Variants in AMZ1 observed in about 807,000 individuals in gnomAD.
AMZ1 encodes the protein archaemetzincin-1.
Under a neutral mutation model 29.9 loss-of-function variants are expected in AMZ1, and 39 were observed. The observed-to-expected ratio is 1.30, with a 90% confidence interval of 1.01 to 1.70. The LOEUF (loss-of-function observed/expected upper bound fraction) is 1.70, where lower values mean the gene tolerates loss of function less well. Among genes scored for constraint, AMZ1 ranks in the 40% most tolerant of loss-of-function variants. The pLI is 0.00. For missense variants in AMZ1, 1,041 were observed against 680.6 expected, an observed-to-expected ratio of 1.53 and a Z score of -5.89; for synonymous variants, 458 against 304.0, an observed-to-expected ratio of 1.51 and a Z score of -5.27.
chr7:2,684,736 G>A (rs188622588), upstream of AMZ1, among the ~76,000 whole-genome samples: 46 of 152,290 alleles, frequency 3.0e-4, no homozygotes, highest in African/African-American at 1.0e-3. Flanking sequence ...TCTGTGTTTC[G>A]GGGGTCCTGG....
chr7:2,738,175 G>A (rs920600113), intron 4 of AMZ1, among the ~76,000 whole-genome samples: 1 of 152,122 alleles, frequency 6.6e-6, no homozygotes, highest in East Asian at 1.9e-4. Flanking sequence ...ACCTCAGCAC[G>A]TTGGGAGGCC....
intron 1 of AMZ1, among the ~76,000 whole-genome samples, chr7:2,699,523 G>A (rs1390852345): frequency 1.4e-5 from 2 of 145,604 alleles, no homozygotes; most frequent in Admixed American, 7.2e-5. Context: ...TTGGGGCTGC[G>A]TACCCCCGCC....
chr7:2,712,667 A>G lies in AMZ1; in HGVS notation c.1286A>G (p.Gln429Arg). The G allele has an allele frequency of 2.5e-6, 4 of 1,613,000 alleles. No individual in the cohort carries two copies. Among genetic ancestry groups the G allele is most frequent in the Non-Finnish European group, 3.4e-6 (4 of 1,179,902 alleles). The change falls in exon 7 of 7, where the codon CAG (glutamine) becomes CGG (arginine). Residue 429 changes from glutamine (Q) to arginine (R), a missense_variant. Transcript: ENST00000683327. ...GAAGTGGCAGAGGAGGACCTGGTGC[A>G]GGTGGACAGAGCCGTGGACGCCCTC... ...QREVAEEDLV[Q>R]VDRAVDALDR...
intron 6 of AMZ1, 36 bp downstream of exon 6, chr7:2,709,852 C>G: frequency 6.2e-7 from 1 of 1,604,696 alleles, no homozygotes; most frequent in Non-Finnish European, 8.5e-7. Context: ...GCTGCTGGGA[C>G]CTGCGCTCCG....
At position 2,717,238 on chromosome 7, in the gene AMZ1, G is replaced by A. The variant is rs1789181008; in HGVS notation, c.*4360G>A. Among the ~76,000 whole-genome samples, 2 of 152,186 alleles carry A rather than the reference G, an allele frequency of 1.3e-5. No individual in the cohort carries two copies. Among genetic ancestry groups the A allele is most frequent in the South Asian group, 2.1e-4 (1 of 4,832 alleles). ...CACTGATTTGTTTTGTTTATAAAAGGAGGGCGAGGCCTGCACAGGAATATT... is the reference window on the plus strand; with the variant it reads ...CACTGATTTGTTTTGTTTATAAAAGAAGGGCGAGGCCTGCACAGGAATATT... On this transcript the variant is annotated 3_prime_UTR_variant, in exon 7 of 7. Coordinates refer to ENST00000683327, the MANE Select transcript of AMZ1 (RefSeq NM_001384743.1).
In AMZ1 at chr7:2,712,382, C is replaced by T. The variant is rs368393238; in HGVS notation, c.1001C>T (p.Ala334Val). The stretch of plus-strand genomic sequence containing the variant: ...GTGGGGACGTGGCCCAGCCAGGAGG[C>T]GGGGGAGCCGTCAGTGTGGGAGGAC... ...AVVGTWPSQE[A>V]GEPSVWEDTP... Residue 334 changes from alanine (A) to valine (V), a missense_variant, in exon 7 of 7, where the codon GCG becomes GTG. Ala to Val is a moderately conservative substitution (Grantham distance 64, BLOSUM62 0). Transcript: ENST00000683327. The T allele has an allele frequency of 9.3e-6, 15 of 1,606,956 alleles. No homozygotes were observed. Among genetic ancestry groups the T allele is most frequent in the Admixed American group, 8.4e-5 (5 of 59,452 alleles).
chr7:2,741,541 G>C (rs1253440918), intron 4 of AMZ1, among the ~76,000 whole-genome samples: 2 of 152,138 alleles, frequency 1.3e-5, no homozygotes, highest in Non-Finnish European at 1.5e-5. Flanking sequence ...CTTTGTAGTA[G>C]CCAGAACCCA....
chr7:2,728,463 A>T (rs1789720961), intron 4 of AMZ1: 1 of 152,364 alleles, frequency 6.6e-6, no homozygotes, highest in Non-Finnish European at 1.5e-5. Flanking sequence ...AAAATCCTTG[A>T]AACAATTTCT....
chr7:2,686,802 C>T (rs372993562), upstream of AMZ1, among the ~76,000 whole-genome samples: 1 of 152,018 alleles, frequency 6.6e-6, no homozygotes, highest in Admixed American at 6.6e-5. Context: ...GCAACCTCCG[C>T]CTCCCGGGTT....
chr7:2,760,678 C>T (rs1791512074), upstream of AMZ1, among the ~76,000 whole-genome samples: 1 of 152,220 alleles, frequency 6.6e-6, no homozygotes, highest in African/African-American at 2.4e-5. Flanking sequence ...CAACCTCCAC[C>T]CTCCAAATCC....
At chr7:2,685,086 G>A (rs969552973), upstream of AMZ1, among the ~76,000 whole-genome samples, 1 of 151,534 alleles carries the variant, frequency 6.6e-6, no homozygotes. Flanking sequence ...AGCCAGGATG[G>A]TCTTGATCTT....
At chr7:2,750,863 G>C (rs190874371) in intron 4 of AMZ1, among the ~76,000 whole-genome samples, 1 of 152,152 alleles carries the variant, frequency 6.6e-6, no homozygotes, top group Non-Finnish European at 1.5e-5. Context: ...ATCAGCTTGG[G>C]AACTGAAATA....
rs549827105 is a variant in AMZ1, at chr7:2,754,577, T to C, written n.551-10135T>C. 3.7e-5 allele frequency among the ~76,000 whole-genome samples: 5 copies of C among 135,334 alleles called. No individual in the cohort carries two copies. The Admixed American group carries it at 3.8e-4, about 10-fold the overall frequency. The allele number at this position is 135,334 out of a possible 152,430, so 88.8% of individuals were successfully genotyped here. ...GGGCAACATAGTGAGACCTCATCTCTACTTTAAAAAAAAAAAAAAAATTAG... is the reference window on the plus strand; with the variant it reads ...GGGCAACATAGTGAGACCTCATCTCCACTTTAAAAAAAAAAAAAAAATTAG... On this transcript the variant is annotated intron_variant and non_coding_transcript_variant, in intron 4 of 4. Transcript: ENST00000489665.
intron 4 of AMZ1, among the ~76,000 whole-genome samples, chr7:2,752,464 G>T (rs549375358): frequency 6.6e-6 from 1 of 152,098 alleles, no homozygotes; most frequent in African/African-American, 2.4e-5. Flanking sequence ...GCAAGCAAGC[G>T]AACAAATGAA....
downstream of AMZ1, among the ~76,000 whole-genome samples, chr7:2,722,217 G>A (rs566241545): frequency 3.1e-4 from 47 of 152,292 alleles, no homozygotes; most frequent in South Asian, 1.0e-3. Context: ...TCCTGGCGAC[G>A]CTTGTGCCCA....
chr7:2,711,096 G>A (rs1004115668), intron 6 of AMZ1, among the ~76,000 whole-genome samples: 1 of 152,206 alleles, frequency 6.6e-6, no homozygotes. Flanking sequence ...TGAGCTGGAG[G>A]GTGTAGCTCC....
At chr7:2,700,927 C>T (rs1479997061) in intron 2 of AMZ1, among the ~76,000 whole-genome samples, 172 bp downstream of exon 2, 2 of 152,180 alleles carry the variant, frequency 1.3e-5, no homozygotes, top group East Asian at 3.9e-4. Flanking sequence ...CCAAGGCTTC[C>T]TTCCTCCCAC....
chr7:2,739,251 G>A (rs988946500), intron 4 of AMZ1, among the ~76,000 whole-genome samples: 7 of 152,076 alleles, frequency 4.6e-5, no homozygotes, highest in Admixed American at 6.5e-5. Flanking sequence ...AATGTTGTAC[G>A]GCCACCACTT....
In AMZ1 at chr7:2,707,297, C is replaced by A. The variant is rs563193094; in HGVS notation, c.473-1291C>A. Among the ~76,000 whole-genome samples the A allele has an allele frequency of 4.6e-3, 701 of 151,314 alleles. 7 individuals are homozygous for A. The highest frequency in any genetic ancestry group is 7.7e-3 in the Admixed American group (116 of 15,156). ...ATCTCAAAAAAAAAAAACAAAAAAA[C>A]ACACACACACAGAACAACCTCCTTG... is the stretch of plus-strand genomic sequence containing the variant. On this transcript the variant is annotated intron_variant, in intron 3 of 6. Coordinates refer to ENST00000683327, the MANE Select transcript of AMZ1 (RefSeq NM_001384743.1).
Sources: allele counts gnomAD v4.1 joint callset (sites outside exome capture counted in the v4.1 genomes callset), GRCh38; gene constraint gnomAD v4.1.1; transcripts MANE v1.5; gene names NCBI Gene and HGNC (gene_info 2026-07-23, HGNC 2026-07-21).